The following SLC6A6 variants were observed in gnomAD, a reference collection of about 807,000 sequenced individuals.
The protein encoded by SLC6A6 is sodium- and chloride-dependent taurine transporter.
SLC6A6 carries 16 observed loss-of-function variants against 68.8 expected under a neutral mutation model. That is an observed-to-expected ratio of 0.23 (90% CI 0.16 to 0.35). SLC6A6 has a LOEUF of 0.35. Among genes scored for constraint, SLC6A6 ranks in the 10% least tolerant of loss-of-function variants. SLC6A6 has a pLI of 1.00. For missense variants in SLC6A6, 474 were observed against 802.8 expected, an observed-to-expected ratio of 0.59 and a Z score of 4.95; for synonymous variants, 312 against 315.4, an observed-to-expected ratio of 0.99 and a Z score of 0.12.
At chr3:14,426,554 G>A (rs372823230) in intron 2 of SLC6A6, among the ~76,000 whole-genome samples, 1 of 152,218 alleles carries the variant, frequency 6.6e-6, no homozygotes, top group South Asian at 2.1e-4. Context: ...TAGGAGAAAA[G>A]TAAGCAGCTG....
rs1700899866 is a variant in SLC6A6 at position 14,477,254 on chromosome 3, C to G, written c.1259C>G (p.Ser420Cys). 6.2e-7 allele frequency: 1 copy of G among 1,613,568 alleles called. No homozygotes were observed. Among genetic ancestry groups the G allele is most frequent in the East Asian group, 2.2e-5 (1 of 44,884 alleles). ...QITSLVDLYP[S>C]FLRKGYRREI... is the part of the protein sequence containing the mutation. ...ACATCCTTGGTTGATCTTTACCCAT[C>G]CTTCCTAAGGAAGGGTTATCGTCGG... is the stretch of plus-strand genomic sequence containing the variant. The change falls in exon 11 of 15, where the codon TCC (serine) becomes TGC (cysteine). Residue 420 changes from serine (S) to cysteine (C), a missense_variant. By Grantham distance (112) the Ser-to-Cys change is moderately radical. Around this residue, in one of 2 missense-constraint regions of SLC6A6, gnomAD observed 280 missense variants for 533.1 expected, o/e 0.53. Transcript: ENST00000622186. This position sits in a 1 kb window ranked among gnomAD's most constrained non-coding sequence, Gnocchi z 4.2.
chr3:14,414,882 G>A (rs145449892), intron 1 of SLC6A6, among the ~76,000 whole-genome samples: 3 of 152,168 alleles, frequency 2.0e-5, no homozygotes, highest in Non-Finnish European at 4.4e-5. Context: ...AATTGGTAAG[G>A]TTTTGCCCTA....
chr3:14,428,780 C>T (rs929696314), intron 2 of SLC6A6, among the ~76,000 whole-genome samples: 2 of 152,178 alleles, frequency 1.3e-5, no homozygotes, highest in African/African-American at 2.4e-5. Context: ...GCTGGCCTTT[C>T]CTGCCATTGT....
At chr3:14,410,738 C>T (rs1699234787) in intron 1 of SLC6A6, among the ~76,000 whole-genome samples, 1 of 152,212 alleles carries the variant, frequency 6.6e-6, no homozygotes, top group African/African-American at 2.4e-5. Context: ...CCCTGAGAGG[C>T]TCTTCCTTTC....
At chr3:14,434,120 G>A (rs1282037470) in intron 2 of SLC6A6, among the ~76,000 whole-genome samples, 3 of 152,078 alleles carry the variant, frequency 2.0e-5, no homozygotes, top group African/African-American at 7.2e-5. Context: ...CCAGTTCTTT[G>A]CCCCCAGTTC....
At chr3:14,405,039 G>T (rs1699074523) in intron 1 of SLC6A6, among the ~76,000 whole-genome samples, 1 of 152,200 alleles carries the variant, frequency 6.6e-6, no homozygotes, top group Non-Finnish European at 1.5e-5. Context: ...TGCCTTGACT[G>T]GACAAAATTA....
chr3:14,426,833 T>C (rs1699610349), intron 2 of SLC6A6, among the ~76,000 whole-genome samples: 1 of 152,096 alleles, frequency 6.6e-6, no homozygotes. Flanking sequence ...AAGAAACTTC[T>C]GGGCCGGCTT....
intron 2 of SLC6A6, among the ~76,000 whole-genome samples, chr3:14,427,023 A>G (rs1699615382): frequency 6.6e-6 from 1 of 152,144 alleles, no homozygotes; most frequent in Admixed American, 6.5e-5. Flanking sequence ...ACAGCCTCCC[A>G]GCACCCTGCG....
At chr3:14,445,378 G>A (rs1382463732) in intron 3 of SLC6A6, among the ~76,000 whole-genome samples, 2 of 150,682 alleles carry the variant, frequency 1.3e-5, no homozygotes, top group Non-Finnish European at 2.9e-5. Context: ...CCGAGATCAC[G>A]CCACTGCATT....
At chr3:14,466,377 C>A in intron 6 of SLC6A6, 139 bp from the exon 7 acceptor site, 1 of 934,624 alleles carries the variant, frequency 1.1e-6, no homozygotes, top group Non-Finnish European at 1.6e-6. Context: ...CCAAAGGCCG[C>A]ACAGCAAGTA....
At chr3:14,451,009 G>A (rs1373327204) in intron 5 of SLC6A6, among the ~76,000 whole-genome samples, 1 of 152,100 alleles carries the variant, frequency 6.6e-6, no homozygotes, top group Non-Finnish European at 1.5e-5. Context: ...TACAATCTGA[G>A]CACTGTCCCC....
chr3:14,483,590 G>C (rs780885421), intron 14 of SLC6A6, among the ~76,000 whole-genome samples: 6 of 152,220 alleles, frequency 3.9e-5, no homozygotes, highest in Non-Finnish European at 7.3e-5. Flanking sequence ...GAAGTCATGG[G>C]GGTAGGGCTG....
At chr3:14,466,234 C>T (rs1700614828) in intron 6 of SLC6A6, among the ~76,000 whole-genome samples, 1 of 148,770 alleles carries the variant, frequency 6.7e-6, no homozygotes, top group Non-Finnish European at 1.5e-5. Flanking sequence ...TGCACTCCAG[C>T]CTGGGTGACA....
chr3:14,433,802 CAAAAAAAAAAAAAAAA>C (rs67806643), intron 2 of SLC6A6, among the ~76,000 whole-genome samples: 1 of 77,508 alleles, frequency 1.3e-5, no homozygotes, highest in Admixed American at 1.3e-4. Context: ...GACTCTGTCT[CAAAAAAAAAAAAAAAA>C]AAAAAAAAAA....
In SLC6A6 at chr3:14,468,307, G is replaced by C. The variant is rs1369884315; in HGVS notation, c.1096+95G>C. ...GAAGCCAGACCCCAGGGGGCTTTGA[G>C]GGGGGACGAGCCTGGTTTCTAAAAT... On this transcript the variant is annotated intron_variant, in intron 9 of 14. Transcript: ENST00000622186. The surrounding 1 kb of genome is among the most constrained non-coding windows in gnomAD (Gnocchi z 4.5). 2 of 1,102,898 alleles carry C rather than the reference G, an allele frequency of 1.8e-6. No individual in the cohort carries two copies. Among genetic ancestry groups the C allele is most frequent in the Non-Finnish European group, 2.5e-6 (2 of 798,406 alleles). The allele number at this position is 1,102,898 out of a possible 1,614,324, so 68.3% of individuals were successfully genotyped here.
chr3:14,483,232 C>T (rs916510776), intron 14 of SLC6A6, among the ~76,000 whole-genome samples: 1 of 152,184 alleles, frequency 6.6e-6, no homozygotes, highest in Non-Finnish European at 1.5e-5. Flanking sequence ...GGCTTCACCC[C>T]ACACTGGTAC....
intron 5 of SLC6A6, among the ~76,000 whole-genome samples, chr3:14,452,925 A>G (rs1284038503): frequency 1.3e-5 from 2 of 152,176 alleles, no homozygotes; most frequent in Admixed American, 6.5e-5. Flanking sequence ...CCTTCCTCCT[A>G]GGCTCCTCCA....
chr3:14,477,321 G>A lies in SLC6A6; in HGVS notation c.1326G>A (p.Leu442=), dbSNP rs1325449886. The change falls in exon 11 of 15, where the codon CTG becomes CTA. Residue 442 remains leucine, a synonymous_variant. Transcript: ENST00000622186. The surrounding 1 kb of genome is among the most constrained non-coding windows in gnomAD (Gnocchi z 4.2). The part of the protein sequence containing the change: ...IAFVCSISYL[L]GLTMVTEGGM... The stretch of plus-strand genomic sequence containing the variant: ...TCGTGTGTAGCATCAGCTACCTGCT[G>A]GGGCTGACGATGGTGACGGAGGTAG... 1.2e-6 allele frequency: 2 copies of A among 1,614,146 alleles called. No individual in the cohort carries two copies. Among genetic ancestry groups the A allele is most frequent in the Non-Finnish European group, 1.7e-6 (2 of 1,179,972 alleles).
At chr3:14,412,119 A>G (rs1454520286) in intron 1 of SLC6A6, among the ~76,000 whole-genome samples, 2 of 152,134 alleles carry the variant, frequency 1.3e-5, no homozygotes, top group Non-Finnish European at 2.9e-5. Flanking sequence ...CATTCTATCC[A>G]TTGTGGAAGC....
Sources: allele counts gnomAD v4.1 joint callset (sites outside exome capture counted in the v4.1 genomes callset), GRCh38; gene constraint gnomAD v4.1.1; regional missense constraint gnomAD v4.1.1; non-coding constraint Gnocchi (gnomAD v3.1); transcripts MANE v1.5; gene names NCBI Gene and HGNC (gene_info 2026-07-23, HGNC 2026-07-21).